Variants in PRKG1 observed in about 807,000 individuals in gnomAD.
The protein encoded by PRKG1 is protein kinase cGMP-dependent 1, also known as cGMP-dependent protein kinase 1.
A neutral mutation model predicts 88.1 loss-of-function variants in PRKG1; 35 were observed. The observed-to-expected ratio is 0.40, with a 90% confidence interval of 0.30 to 0.53. The LOEUF is 0.53. Among genes scored for constraint, PRKG1 ranks in the 20% least tolerant of loss-of-function variants. The pLI is 0.59. For synonymous variants in PRKG1, 303 were observed against 292.5 expected (o/e 1.04, Z -0.37); for missense variants, 540 against 839.8 (o/e 0.64, Z 4.41).
chr10:52,121,714 A>G lies in PRKG1; in HGVS notation c.936-12126A>G, dbSNP rs75674419. On this transcript the variant is annotated intron_variant, in intron 7 of 17. Coordinates refer to ENST00000373980, the MANE Select transcript of PRKG1 (RefSeq NM_006258.4). ...ATACCTTATTCGTCATTTCTCTCTG[A>G]AACTTCATCAGAATTGCCTTTAGTG... Among the ~76,000 whole-genome samples, 1,391 of 152,318 alleles carry G rather than the reference A, an allele frequency of 9.1e-3. 19 individuals carry two copies. Among genetic ancestry groups the G allele is most frequent in the African/African-American group, 0.028 (1,171 of 41,578 alleles).
At chr10:52,082,888 AC>A in intron 7 of PRKG1, among the ~76,000 whole-genome samples, 1 of 152,156 alleles carries the variant, frequency 6.6e-6, no homozygotes, top group South Asian at 2.1e-4. Flanking sequence ...ATAATTGATG[AC>A]AAGAAAGAAT....
At chr10:52,290,687 C>CA (rs1278594351) in intron 17 of PRKG1, among the ~76,000 whole-genome samples, 1 of 151,568 alleles carries the variant, frequency 6.6e-6, no homozygotes, top group Non-Finnish European at 1.5e-5. Flanking sequence ...TCTGTCTCTA[C>CA]AAAAAAAGAA....
intron 5 of PRKG1, among the ~76,000 whole-genome samples, chr10:51,940,711 G>T (rs567572269): frequency 6.6e-6 from 1 of 151,738 alleles, no homozygotes. Flanking sequence ...GGACCTTCAA[G>T]CACCACTTCT....
At chr10:51,766,822 G>A (rs1270963164) in intron 3 of PRKG1, among the ~76,000 whole-genome samples, 3 of 152,050 alleles carry the variant, frequency 2.0e-5, no homozygotes, top group Admixed American at 1.3e-4. Context: ...AGTTGAGTGT[G>A]GAAAAAATTC....
At chr10:51,770,347 G>A (rs1167828473) in intron 3 of PRKG1, among the ~76,000 whole-genome samples, 1 of 152,220 alleles carries the variant, frequency 6.6e-6, no homozygotes, top group Non-Finnish European at 1.5e-5. Flanking sequence ...TTAATTAAAA[G>A]GACATGGCAT....
At chr10:51,230,373 A>G (rs186286075) in intron 2 of PRKG1, among the ~76,000 whole-genome samples, 67 of 152,350 alleles carry the variant, frequency 4.4e-4, no homozygotes, top group African/African-American at 1.5e-3. Context: ...ATGTGTGCAT[A>G]GGGGTAGAAG....
chr10:52,205,150 C>T (rs1466853197), intron 9 of PRKG1, among the ~76,000 whole-genome samples: 1 of 152,146 alleles, frequency 6.6e-6, no homozygotes, highest in Non-Finnish European at 1.5e-5. Flanking sequence ...TAGTTCTCTG[C>T]TCTTGAACCC....
chr10:51,797,573 TTA>T (rs1589295180), intron 3 of PRKG1, among the ~76,000 whole-genome samples: 1 of 147,150 alleles, frequency 6.8e-6, no homozygotes, highest in African/African-American at 2.5e-5. Context: ...TTATATTATT[TTA>T]TGTTATATAT....
intron 4 of PRKG1, among the ~76,000 whole-genome samples, chr10:51,855,193 G>T (rs141549224): frequency 6.6e-6 from 1 of 152,144 alleles, no homozygotes; most frequent in African/African-American, 2.4e-5. Context: ...GGATCCTGCT[G>T]TACTCTCTAT....
chr10:52,288,769 A>G lies in PRKG1; in HGVS notation c.1753A>G (p.Ile585Val), dbSNP rs1186441262. The change falls in exon 15 of 18, where the codon ATA (isoleucine) becomes GTA (valine). Residue 585 changes from isoleucine (I) to valine (V), a missense_variant. This residue lies in a region of PRKG1 where 97 missense variants were observed against 210.6 expected (regional missense o/e 0.46). Coordinates refer to ENST00000373980, the MANE Select transcript of PRKG1 (RefSeq NM_006258.4). ...GPDPMKTYNI[I>V]LRGIDMIEFP... Reference sequence around the variant, plus strand: ...AGATCCTATGAAAACCTATAACATCATATTGAGGGGGATTGACATGATAGA... The same window carrying G: ...AGATCCTATGAAAACCTATAACATCGTATTGAGGGGGATTGACATGATAGA... 2 of 1,602,044 alleles carry G rather than the reference A, an allele frequency of 1.2e-6. No individual in the cohort carries two copies.
intron 1 of PRKG1, among the ~76,000 whole-genome samples, chr10:51,031,109 C>T (rs1843276440): frequency 6.6e-6 from 1 of 152,116 alleles, no homozygotes; most frequent in Non-Finnish European, 1.5e-5. Context: ...AATCTTGACT[C>T]TATTTGCATT....
At chr10:51,227,111 T>C (rs748937945) in intron 2 of PRKG1, among the ~76,000 whole-genome samples, 1 of 151,084 alleles carries the variant, frequency 6.6e-6, no homozygotes, top group South Asian at 2.1e-4. Context: ...TAATTATTCC[T>C]GTGTAATGTA....
intron 6 of PRKG1, among the ~76,000 whole-genome samples, chr10:52,061,420 G>A (rs1846232014): frequency 1.3e-5 from 2 of 152,010 alleles, no homozygotes; most frequent in South Asian, 4.1e-4. Context: ...CATTTTCCGG[G>A]TAGGTGAATT....
chr10:51,422,297 A>C (rs1838439262), intron 2 of PRKG1, among the ~76,000 whole-genome samples: 1 of 152,218 alleles, frequency 6.6e-6, no homozygotes, highest in African/African-American at 2.4e-5. Flanking sequence ...AAAGGATGGC[A>C]CTGTGAGGTT....
chr10:51,721,451 T>G (rs1327145580), intron 3 of PRKG1, among the ~76,000 whole-genome samples: 1 of 152,144 alleles, frequency 6.6e-6, no homozygotes, highest in Non-Finnish European at 1.5e-5. Context: ...AACAGAAACC[T>G]TGCCTTCTTG....
intron 9 of PRKG1, among the ~76,000 whole-genome samples, chr10:52,223,324 C>T (rs531735081): frequency 7.0e-4 from 97 of 138,638 alleles, no homozygotes; most frequent in African/African-American, 1.4e-3. Context: ...TTGATTATCA[C>T]GTCTTACTTG....
chr10:51,851,882 C>T (rs531485321), intron 4 of PRKG1, among the ~76,000 whole-genome samples: 2 of 152,032 alleles, frequency 1.3e-5, no homozygotes, highest in East Asian at 1.9e-4. Context: ...TGAGTGCTGT[C>T]GTGGGAAGGA....
chr10:51,130,438 C>T (rs1201935238), intron 1 of PRKG1, among the ~76,000 whole-genome samples: 1 of 152,146 alleles, frequency 6.6e-6, no homozygotes, highest in Non-Finnish European at 1.5e-5. Context: ...TATAGCTCGG[C>T]TCCTCCATCT....
chr10:51,576,712 T>C (rs1837896953), intron 3 of PRKG1, among the ~76,000 whole-genome samples: 1 of 152,122 alleles, frequency 6.6e-6, no homozygotes, highest in East Asian at 1.9e-4. Context: ...TAAGTGTTAT[T>C]TTCAAAATTA....
Sources: allele counts gnomAD v4.1 joint callset (sites outside exome capture counted in the v4.1 genomes callset), GRCh38; gene constraint gnomAD v4.1.1; regional missense constraint gnomAD v4.1.1; transcripts MANE v1.5; gene names NCBI Gene and HGNC (gene_info 2026-07-23, HGNC 2026-07-21).